VTCN1: variants seen among roughly 807,000 people sequenced by gnomAD.
VTCN1 encodes V-set domain containing T cell activation inhibitor 1.
In VTCN1, 26 loss-of-function variants were observed where a neutral mutation model predicts 26.5. That is an observed-to-expected ratio of 0.98 (90% CI 0.72 to 1.36). The LOEUF (loss-of-function observed/expected upper bound fraction) is 1.36, where lower values mean the gene tolerates loss of function less well. Among genes scored for constraint, VTCN1 ranks in the 40% most tolerant of loss-of-function variants. The pLI is 0.00. For missense variants in VTCN1, 298 were observed against 337.7 expected (o/e 0.88, Z 0.92); for synonymous variants, 116 against 130.7 (o/e 0.89, Z 0.77).
At chr1:117,153,526 A>G (rs7543458) in intron 3 of VTCN1, among the ~76,000 whole-genome samples, 157 bp from the exon 4 acceptor site, 34,162 of 150,090 alleles carry the variant, frequency 0.23, 8,061 homozygotes, top group African/African-American at 0.61. Context: ...ACCTGTGTAT[A>G]GCCCATTGTA....
At chr1:117,171,563 A>G (rs1652917841) in intron 1 of VTCN1, among the ~76,000 whole-genome samples, 1 of 152,186 alleles carries the variant, frequency 6.6e-6, no homozygotes, top group Non-Finnish European at 1.5e-5. Flanking sequence ...GTGGATCCTC[A>G]CCAATTTTTA....
At chr1:117,172,977 G>A (rs1222897883) in intron 1 of VTCN1, among the ~76,000 whole-genome samples, 1 of 152,200 alleles carries the variant, frequency 6.6e-6, no homozygotes, top group Non-Finnish European at 1.5e-5. Flanking sequence ...CCCCTTCCAT[G>A]CTGTGGAAGC....
chr1:117,208,655 C>T (rs1313580022), intron 1 of VTCN1, among the ~76,000 whole-genome samples: 4 of 152,160 alleles, frequency 2.6e-5, no homozygotes, highest in Admixed American at 2.0e-4. Flanking sequence ...GTTTCATGAG[C>T]GAATGCTGCT....
At chr1:117,205,175 GA>G (rs999160961) in intron 1 of VTCN1, among the ~76,000 whole-genome samples, 11 of 148,198 alleles carry the variant, frequency 7.4e-5, no homozygotes, top group Non-Finnish European at 8.9e-5. Context: ...GAGAGAGAGA[GA>G]GGGGGGTCTC....
chr1:117,180,123 C>T (rs190330444), intron 1 of VTCN1, among the ~76,000 whole-genome samples: 30 of 152,230 alleles, frequency 2.0e-4, no homozygotes, highest in African/African-American at 6.5e-4. Flanking sequence ...TTCTCTCCCC[C>T]CCAGGAAGTG....
chr1:117,158,823 C>G (rs1456652705), intron 2 of VTCN1, among the ~76,000 whole-genome samples: 1 of 152,192 alleles, frequency 6.6e-6, no homozygotes, highest in Non-Finnish European at 1.5e-5. Flanking sequence ...GAATGCTTTG[C>G]TGCTTAGAAA....
rs1651552970 is a variant in VTCN1, at chr1:117,147,121, A to G, written c.*45+492T>C. Among the ~76,000 whole-genome samples the G allele has an allele frequency of 6.6e-6, 1 of 152,166 alleles. No homozygotes were observed. The highest frequency in any genetic ancestry group is 1.5e-5 in the Non-Finnish European group (1 of 68,024). The stretch of plus-strand genomic sequence containing the variant: ...ATTTCATATGCAGAAGAATATTCAA[A>G]AGGAAATATCCTAACAATAATTGGA... On this transcript the variant is annotated intron_variant, in intron 5 of 5. Coordinates refer to ENST00000369458, the MANE Select transcript of VTCN1 (RefSeq NM_024626.4). This position sits in a 1 kb window ranked among gnomAD's most constrained non-coding sequence, Gnocchi z 4.6.
At chr1:117,209,127 C>T (rs936323395) in intron 1 of VTCN1, among the ~76,000 whole-genome samples, 2 of 152,178 alleles carry the variant, frequency 1.3e-5, no homozygotes, top group African/African-American at 4.8e-5. Flanking sequence ...GCTTCTGAAA[C>T]TGCAGAGCAT....
In VTCN1 at chr1:117,155,256, T is replaced by C. The variant is rs1652012166; in HGVS notation, c.445+1318A>G. Among the ~76,000 whole-genome samples the C allele has an allele frequency of 6.6e-6, 1 of 152,162 alleles. No individual in the cohort carries two copies. The highest frequency in any genetic ancestry group is 6.5e-5 in the Admixed American group (1 of 15,280). ...TATCAGAAGGTACATGCTGTTAACA[T>C]GACTTATTAATGATGTTAACCTGGA... On this transcript the variant is annotated intron_variant, in intron 3 of 5. Transcript: ENST00000369458. The surrounding 1 kb of genome is among the most constrained non-coding windows in gnomAD (Gnocchi z 4.8).
At chr1:117,149,851 C>T (rs1651702725) in intron 4 of VTCN1, among the ~76,000 whole-genome samples, 1 of 152,192 alleles carries the variant, frequency 6.6e-6, no homozygotes, top group South Asian at 2.1e-4. Context: ...ACTTTGTCTA[C>T]AACAATAAGA....
In VTCN1 at chr1:117,184,580, C is replaced by T. The variant is rs116375605; in HGVS notation, c.33-14409G>A. ...CTGGTAGGGGTGTCAGTGGGCAGTA[C>T]TACCATCTTTTTAATACTTACAGCA... On this transcript the variant is annotated intron_variant, in intron 1 of 5. Coordinates refer to ENST00000369458, the MANE Select transcript of VTCN1 (RefSeq NM_024626.4). 5.4e-3 allele frequency among the ~76,000 whole-genome samples: 821 copies of T among 152,222 alleles called. 7 individuals carry two copies. Among genetic ancestry groups the T allele is most frequent in the African/African-American group, 0.019 (779 of 41,520 alleles).
chr1:117,174,850 A>G (rs1475429289), intron 1 of VTCN1, among the ~76,000 whole-genome samples: 9 of 152,212 alleles, frequency 5.9e-5, no homozygotes, highest in African/African-American at 2.2e-4. Flanking sequence ...CCATGCTGTT[A>G]CACACTCTCT....
rs1292071578 is a variant in VTCN1 at position 117,147,398 on chromosome 1, T to G, written c.*45+215A>C. 6.6e-6 allele frequency among the ~76,000 whole-genome samples: 1 copy of G among 152,214 alleles called. No individual in the cohort carries two copies. The highest frequency in any genetic ancestry group is 1.5e-5 in the Non-Finnish European group (1 of 68,036). On this transcript the variant is annotated intron_variant, in intron 5 of 5. Transcript: ENST00000369458. The surrounding 1 kb of genome is among the most constrained non-coding windows in gnomAD (Gnocchi z 4.6). ...TTTGAATTTACATAAATACTTGAAT[T>G]GTATGTTATTTTTCCTATGGGTCTG...
In VTCN1 at chr1:117,169,979, AGAAT is replaced by A; in HGVS notation, c.97+124_97+127del. On this transcript the variant is annotated intron_variant, in intron 2 of 5. Transcript: ENST00000369458. The surrounding 1 kb of genome is among the most constrained non-coding windows in gnomAD (Gnocchi z 4.0). ...ATGTAGAGAAAGCACAAGAAGTAGA[AGAAT>A]GAATGCTATACTCTGAGGTTTTCTG... The A allele has an allele frequency of 3.8e-6, 3 of 793,170 alleles. No homozygotes were observed. The highest frequency in any genetic ancestry group is 6.4e-6 in the Non-Finnish European group (3 of 469,586). The allele number at this position is 793,170 out of a possible 1,614,324, so 49.1% of individuals were successfully genotyped here.
At chr1:117,164,788 G>T (rs540170548) in intron 2 of VTCN1, among the ~76,000 whole-genome samples, 2 of 152,330 alleles carry the variant, frequency 1.3e-5, no homozygotes, top group East Asian at 3.9e-4. Flanking sequence ...GGCTGGGTAT[G>T]GTTAGGGGCC....
At position 117,147,757 on chromosome 1, in the gene VTCN1, G is replaced by A. The variant is rs1157836389; in HGVS notation, c.750C>T (p.His250=). 1.2e-6 allele frequency: 2 copies of A among 1,613,896 alleles called. No individual in the cohort carries two copies. The highest frequency in any genetic ancestry group is 3.3e-5 in the Admixed American group (2 of 59,968). Reference sequence around the variant, plus strand: ...AAGCCTTTGAGTTTAGCAGCTGTAGGTGACTCCGCCTTTTGATCTCCGATT... The same window carrying A: ...AAGCCTTTGAGTTTAGCAGCTGTAGATGACTCCGCCTTTTGATCTCCGATT... ...VTESEIKRRS[H]LQLLNSKASL... is the part of the protein sequence containing the mutation. The change falls in exon 5 of 6, where the codon CAC becomes CAT. Residue 250 remains histidine, a synonymous_variant. Transcript: ENST00000369458. This position sits in a 1 kb window ranked among gnomAD's most constrained non-coding sequence, Gnocchi z 4.6.
chr1:117,186,675 C>A (rs1324211552), intron 1 of VTCN1, among the ~76,000 whole-genome samples: 1 of 152,150 alleles, frequency 6.6e-6, no homozygotes, highest in Non-Finnish European at 1.5e-5. Context: ...CACTTCAAGT[C>A]CAGATATTCT....
At position 117,144,818 on chromosome 1, in the gene VTCN1, G is replaced by A. The variant is rs1358145746; in HGVS notation, c.*453C>T. The A allele has an allele frequency of 6.6e-6, 1 of 152,554 alleles. No individual in the cohort carries two copies. The highest frequency in any genetic ancestry group is 2.1e-4 in the South Asian group (1 of 4,818). The allele number at this position is 152,554 out of a possible 1,614,324, so 9.5% of individuals were successfully genotyped here. ...GGTACATACTACAGCTTAATTTGTG[G>A]AATATAAGATGTGGATATGTTGGGA... On this transcript the variant is annotated 3_prime_UTR_variant, in exon 6 of 6. Coordinates refer to ENST00000369458, the MANE Select transcript of VTCN1 (RefSeq NM_024626.4).
In VTCN1 at chr1:117,159,096, T is replaced by TGA. The variant is rs1411406907; in HGVS notation, c.98-2177_98-2176dup. On this transcript the variant is annotated intron_variant, in intron 2 of 5. Transcript: ENST00000369458. This position sits in a 1 kb window ranked among gnomAD's most constrained non-coding sequence, Gnocchi z 4.7. ...TTTCCCACATTTTCCTGTCTTCTTC[T>TGA]GAGCTCTCCAAACTGTTCCAACCTC... 1.3e-5 allele frequency among the ~76,000 whole-genome samples: 2 copies of TGA among 152,252 alleles called. No homozygotes were observed. The highest frequency in any genetic ancestry group is 1.3e-4 in the Admixed American group (2 of 15,286).
Sources: gnomAD v4.1 joint callset for allele counts (sites outside exome capture counted in the v4.1 genomes callset) on GRCh38, gnomAD v4.1.1 for gene constraint, Gnocchi (gnomAD v3.1) non-coding constraint, MANE v1.5 for transcripts, NCBI Gene and HGNC (gene_info 2026-07-23, HGNC 2026-07-21) for gene names.